Variants in PLXDC2 observed in about 807,000 individuals in gnomAD.
The protein encoded by PLXDC2 is plexin domain-containing protein 2.
A neutral mutation model predicts 68.9 loss-of-function variants in PLXDC2; 40 were observed. The observed-to-expected ratio is 0.58, with a 90% confidence interval of 0.45 to 0.76. PLXDC2 has a LOEUF of 0.76. Among genes scored for constraint, PLXDC2 ranks in the 30% least tolerant of loss-of-function variants. The pLI is 0.00. For synonymous variants in PLXDC2, 243 were observed against 234.2 expected, an observed-to-expected ratio of 1.04 and a Z score of -0.34; for missense variants, 644 against 661.9, an observed-to-expected ratio of 0.97 and a Z score of 0.30.
chr10:19,890,679 T>C (rs1311557541), intron 1 of PLXDC2, among the ~76,000 whole-genome samples: 5 of 11,232 alleles, frequency 4.5e-4, no homozygotes, highest in African/African-American at 7.8e-4. Flanking sequence ...CCGGCTGCTT[T>C]TTTTTTTTTT....
chr10:20,218,723 T>C (rs1564357648), intron 11 of PLXDC2, among the ~76,000 whole-genome samples: 2 of 152,132 alleles, frequency 1.3e-5, no homozygotes. Context: ...AATGAATAAA[T>C]AAGGTCATAA....
chr10:19,851,787 A>G (rs1837122322), intron 1 of PLXDC2, among the ~76,000 whole-genome samples: 1 of 152,156 alleles, frequency 6.6e-6, no homozygotes, highest in South Asian at 2.1e-4. Flanking sequence ...GCCTCAAGCA[A>G]TCCACCCTCC....
chr10:20,045,173 C>T (rs1663848551), intron 2 of PLXDC2, among the ~76,000 whole-genome samples: 1 of 151,876 alleles, frequency 6.6e-6, no homozygotes, highest in Non-Finnish European at 1.5e-5. Context: ...TGCAGATATA[C>T]CTAGGGTTTT....
chr10:20,144,330 C>A (rs78823087), intron 5 of PLXDC2, among the ~76,000 whole-genome samples: 3,867 of 152,208 alleles, frequency 0.025, 66 homozygotes, highest in South Asian at 0.067. Flanking sequence ...TTGGAATAGA[C>A]TTGATGGTAG....
chr10:19,892,371 G>T (rs947097792), intron 1 of PLXDC2, among the ~76,000 whole-genome samples: 1 of 152,122 alleles, frequency 6.6e-6, no homozygotes, highest in Admixed American at 6.5e-5. Context: ...AACCCAAGCA[G>T]CCTGGCTTCC....
intron 4 of PLXDC2, among the ~76,000 whole-genome samples, chr10:20,106,797 G>C (rs1467110339): frequency 6.6e-6 from 1 of 151,618 alleles, no homozygotes; most frequent in Non-Finnish European, 1.5e-5. Context: ...TAGCTTATTT[G>C]CTGTATGCTA....
At chr10:20,221,998 A>G (rs979604151) in intron 12 of PLXDC2, among the ~76,000 whole-genome samples, 6 of 152,334 alleles carry the variant, frequency 3.9e-5, no homozygotes, top group South Asian at 2.1e-4. Context: ...CTACATATAG[A>G]AAATACCATT....
chr10:19,920,332 C>T (rs1036820100), intron 1 of PLXDC2, among the ~76,000 whole-genome samples: 34 of 152,154 alleles, frequency 2.2e-4, no homozygotes, highest in Non-Finnish European at 4.8e-4. Context: ...CTAAATGTTG[C>T]ATTTCCCAAG....
chr10:20,020,745 A>G (rs1835294058), intron 2 of PLXDC2, among the ~76,000 whole-genome samples: 1 of 152,214 alleles, frequency 6.6e-6, no homozygotes, highest in South Asian at 2.1e-4. Flanking sequence ...TCACAGTTGC[A>G]TATATTATTC....
intron 1 of PLXDC2, among the ~76,000 whole-genome samples, chr10:19,856,853 C>T (rs1466663857): frequency 1.3e-5 from 2 of 152,134 alleles, no homozygotes; most frequent in Non-Finnish European, 2.9e-5. Flanking sequence ...CTTGAAGATA[C>T]ATCATACCGT....
At chr10:20,195,237 C>A (rs1275727973) in intron 9 of PLXDC2, among the ~76,000 whole-genome samples, 1 of 152,028 alleles carries the variant, frequency 6.6e-6, no homozygotes, top group African/African-American at 2.4e-5. Flanking sequence ...AAAGGGCTAC[C>A]GCAGCCACTG....
chr10:20,153,984 G>A (rs1834184084), intron 6 of PLXDC2, among the ~76,000 whole-genome samples: 1 of 151,982 alleles, frequency 6.6e-6, no homozygotes, highest in Non-Finnish European at 1.5e-5. Context: ...CAAAGGTAAG[G>A]TTTGCCTATC....
At chr10:20,005,889 T>C (rs2131640579) in intron 2 of PLXDC2, among the ~76,000 whole-genome samples, 1 of 152,192 alleles carries the variant, frequency 6.6e-6, no homozygotes, top group African/African-American at 2.4e-5. Context: ...GTATCCTGGC[T>C]CTTGAAATGG....
chr10:20,020,415 A>G (rs1304265037), intron 2 of PLXDC2, among the ~76,000 whole-genome samples: 1 of 151,944 alleles, frequency 6.6e-6, no homozygotes, highest in Non-Finnish European at 1.5e-5. Context: ...TGAACTTGTG[A>G]TCATTTATCT....
At chr10:20,035,938 C>T (rs1180961258) in intron 2 of PLXDC2, among the ~76,000 whole-genome samples, 2 of 152,060 alleles carry the variant, frequency 1.3e-5, no homozygotes, top group African/African-American at 4.8e-5. Context: ...ACATAGAAGT[C>T]AGTTACCAAT....
chr10:19,848,456 C>T (rs1016103537), intron 1 of PLXDC2, among the ~76,000 whole-genome samples: 12 of 152,116 alleles, frequency 7.9e-5, no homozygotes, highest in South Asian at 2.1e-4. Context: ...GGTTTCTTGA[C>T]GCAGGAGGCA....
At chr10:20,264,167 A>C (rs958496746) in intron 13 of PLXDC2, among the ~76,000 whole-genome samples, 11 of 152,228 alleles carry the variant, frequency 7.2e-5, no homozygotes, top group African/African-American at 2.7e-4. Flanking sequence ...TTTTGTGGGA[A>C]CATGAACGAA....
chr10:20,002,696 A>T (rs1487760884), intron 2 of PLXDC2, among the ~76,000 whole-genome samples: 3 of 152,196 alleles, frequency 2.0e-5, no homozygotes, highest in African/African-American at 7.2e-5. Context: ...GGGTGTTGTC[A>T]AAGAGGCTTA....
intron 12 of PLXDC2, among the ~76,000 whole-genome samples, chr10:20,236,632 G>A (rs1268954328): frequency 1.3e-5 from 2 of 152,250 alleles, no homozygotes; most frequent in East Asian, 3.9e-4. Context: ...AGTGAAAAAT[G>A]ATAATGGGTT....
Sources: allele counts gnomAD v4.1 joint callset (sites outside exome capture counted in the v4.1 genomes callset), GRCh38; gene constraint gnomAD v4.1.1; transcripts MANE v1.5; gene names NCBI Gene and HGNC (gene_info 2026-07-23, HGNC 2026-07-21).